The following COG6 variants were observed in gnomAD, a reference collection of about 807,000 sequenced individuals.
COG6 encodes the protein conserved oligomeric Golgi complex subunit 6.
COG6 carries 74 observed loss-of-function variants against 88.8 expected under a neutral mutation model. The ratio of observed to expected loss-of-function variants is 0.83; its 90% confidence interval spans 0.69 to 1.01. COG6 has a LOEUF of 1.01. Ranked by LOEUF, COG6 falls within the 50% of genes least tolerant of loss-of-function variation. The pLI, the probability that COG6 is intolerant of heterozygous loss-of-function variation, is 0.00. For missense variants in COG6, 800 were observed against 797.9 expected (o/e 1.00, Z -0.03); for synonymous variants, 286 against 278.7 (o/e 1.03, Z -0.26).
intron 11 of COG6, among the ~76,000 whole-genome samples, chr13:39,692,941 A>G (rs1877065724): frequency 1.3e-5 from 2 of 152,032 alleles, no homozygotes; most frequent in African/African-American, 4.8e-5. Context: ...TCACAGTGAT[A>G]ATTTCCAGTC....
intron 4 of COG6, among the ~76,000 whole-genome samples, chr13:39,669,535 T>G (rs1875491025): frequency 6.6e-6 from 1 of 152,212 alleles, no homozygotes; most frequent in Non-Finnish European, 1.5e-5. Flanking sequence ...TTATTCTCCT[T>G]TTTGTATTTG....
At chr13:39,697,645 G>A (rs1320390966) in intron 12 of COG6, among the ~76,000 whole-genome samples, 1 of 151,800 alleles carries the variant, frequency 6.6e-6, no homozygotes, top group Non-Finnish European at 1.5e-5. Context: ...CAAGTAATCC[G>A]CCTCTCTCCT....
rs1593449338 is a variant in COG6, at chr13:39,719,552, G to T, written c.1417-108G>T. 5 of 1,221,044 alleles carry T rather than the reference G, an allele frequency of 4.1e-6. No individual in the cohort carries two copies. The East Asian group carries it at 1.2e-4, about 29-fold the overall frequency. 75.6% of individuals were successfully genotyped at this position (1,221,044 alleles called of 1,614,324 possible). A position where few individuals can be genotyped will look rare whatever the true frequency, so the allele number is the denominator to read the frequency against. On this transcript the variant is annotated intron_variant, in intron 14 of 18. Coordinates refer to ENST00000455146, the MANE Select transcript of COG6 (RefSeq NM_020751.3). ...ATTTATGTTTAATCTTTTCCTACGT[G>T]CTTCTATAAATTGGCTTCCTTCCAA...
At chr13:39,708,263 CAT>C (rs1203502180) in intron 13 of COG6, among the ~76,000 whole-genome samples, 1 of 152,146 alleles carries the variant, frequency 6.6e-6, no homozygotes, top group African/African-American at 2.4e-5. Flanking sequence ...AGTTTTCAAA[CAT>C]GTGTTTGGAT....
At chr13:39,717,376 T>C (rs1220983955) in intron 13 of COG6, among the ~76,000 whole-genome samples, 4 of 152,166 alleles carry the variant, frequency 2.6e-5, no homozygotes, top group Non-Finnish European at 5.9e-5. Context: ...TTGGTAATCT[T>C]TCTGTCATTG....
chr13:39,657,023 A>T lies in COG6; in HGVS notation c.153+1144A>T, dbSNP rs143129473. The T allele has an allele frequency of 7.9e-4, 286 of 359,974 alleles. 4 individuals are homozygous for T. In the East Asian group the frequency reaches 0.02, roughly 25 times the overall value. 22.3% of individuals were successfully genotyped at this position (359,974 alleles called of 1,614,324 possible). The stretch of plus-strand genomic sequence containing the variant: ...TCATTTAAGACTGCTACTTGCTCTG[A>T]TATAGATAACATGGCCTTCTTTTTT... On this transcript the variant is annotated intron_variant, in intron 1 of 18. Transcript: ENST00000455146.
At position 39,699,599 on chromosome 13, in the gene COG6, C is replaced by G. The variant is rs1170581715; in HGVS notation, c.1265C>G (p.Ala422Gly). 6.8e-7 allele frequency: 1 copy of G among 1,465,718 alleles called. No individual in the cohort carries two copies. The allele number at this position is 1,465,718 out of a possible 1,614,324, so 90.8% of individuals were successfully genotyped here. ...KIFFNSLSLH[A>G]SKLMDKVELP... is the part of the protein sequence containing the mutation. Reference sequence around the variant, plus strand: ...TTCTTCAATAGCTTGAGTCTTCATGCAAGTAAATTAATGGACAAGGTATGT... The same window carrying G: ...TTCTTCAATAGCTTGAGTCTTCATGGAAGTAAATTAATGGACAAGGTATGT... The change falls in exon 13 of 19, where the codon GCA becomes GGA. Residue 422 changes from alanine to glycine, a missense_variant. Transcript: ENST00000455146.
At chr13:39,711,533 A>C (rs1053653291) in intron 13 of COG6, among the ~76,000 whole-genome samples, 9 of 19,496 alleles carry the variant, frequency 4.6e-4, no homozygotes, top group African/African-American at 1.1e-3. Flanking sequence ...GACCTTTGGA[A>C]GGTTATTTAA....
chr13:39,656,897 T>G (rs1458322796), intron 1 of COG6: 1 of 455,872 alleles, frequency 2.2e-6, no homozygotes, highest in Non-Finnish European at 4.4e-6. Flanking sequence ...CCAGGTAAAG[T>G]CCTTTGCAAA....
chr13:39,781,512 T>A (rs1881630647), intron 18 of COG6, among the ~76,000 whole-genome samples: 1 of 151,786 alleles, frequency 6.6e-6, no homozygotes, highest in Non-Finnish European at 1.5e-5. Flanking sequence ...AGATGCAGGC[T>A]GTGATCGCTG....
At chr13:39,684,427 T>G (rs566115527) in intron 8 of COG6, among the ~76,000 whole-genome samples, 2 of 150,948 alleles carry the variant, frequency 1.3e-5, no homozygotes, top group South Asian at 2.1e-4. Flanking sequence ...TTTTTTGTAT[T>G]TTTTAGTAGA....
chr13:39,670,254 A>G (rs936377106), intron 4 of COG6, among the ~76,000 whole-genome samples: 13 of 152,124 alleles, frequency 8.5e-5, no homozygotes, highest in Non-Finnish European at 1.6e-4. Flanking sequence ...GAAAGACTAT[A>G]TGTACATGAA....
chr13:39,772,464 T>C (rs1422857969), intron 18 of COG6, among the ~76,000 whole-genome samples: 1 of 152,232 alleles, frequency 6.6e-6, no homozygotes, highest in Non-Finnish European at 1.5e-5. Flanking sequence ...TTTCTTCAGC[T>C]CTCCATTGTT....
rs1178283596 is a variant in COG6, at chr13:39,659,592, G to A, written c.297+85G>A. 5.0e-6 allele frequency: 6 copies of A among 1,190,310 alleles called. No individual in the cohort carries two copies. In the South Asian group the frequency reaches 5.1e-5, roughly 10 times the overall value. 73.7% of individuals were successfully genotyped at this position (1,190,310 alleles called of 1,614,324 possible). On this transcript the variant is annotated intron_variant, in intron 2 of 18. Transcript: ENST00000455146. Reference sequence around the variant, plus strand: ...GCTAAGTATTTTTTTGAATTAGGTTGATATGTTTGCTATTTGTATACTATG... The same window carrying A: ...GCTAAGTATTTTTTTGAATTAGGTTAATATGTTTGCTATTTGTATACTATG...
intron 18 of COG6, among the ~76,000 whole-genome samples, chr13:39,779,033 C>T (rs1881550854): frequency 6.6e-6 from 1 of 152,208 alleles, no homozygotes; most frequent in South Asian, 2.1e-4. Flanking sequence ...GAAAATTATA[C>T]TCCACTTTTT....
intron 18 of COG6, among the ~76,000 whole-genome samples, chr13:39,765,288 C>T (rs1881131883): frequency 6.6e-6 from 1 of 152,158 alleles, no homozygotes; most frequent in South Asian, 2.1e-4. Flanking sequence ...GAATTACTGG[C>T]AGTTCCATTT....
intron 18 of COG6, among the ~76,000 whole-genome samples, chr13:39,781,777 C>G (rs1047344663): frequency 6.6e-6 from 1 of 152,128 alleles, no homozygotes; most frequent in South Asian, 2.1e-4. Context: ...CCAAGTCCCT[C>G]CATGGTGCCT....
intron 3 of COG6, among the ~76,000 whole-genome samples, chr13:39,664,709 A>G (rs1191036683): frequency 1.3e-5 from 2 of 152,200 alleles, no homozygotes; most frequent in Non-Finnish European, 2.9e-5. Context: ...CTAGCATTTC[A>G]GTGACTTAGT....
At chr13:39,763,973 A>G (rs1449792800) in intron 18 of COG6, among the ~76,000 whole-genome samples, 2 of 151,850 alleles carry the variant, frequency 1.3e-5, no homozygotes, top group Non-Finnish European at 1.5e-5. Context: ...AGAATGTAAG[A>G]TTGTTATTAC....
Sources: allele counts gnomAD v4.1 joint callset (sites outside exome capture counted in the v4.1 genomes callset), GRCh38; gene constraint gnomAD v4.1.1; transcripts MANE v1.5; gene names NCBI Gene and HGNC (gene_info 2026-07-23, HGNC 2026-07-21).